Variants in C19orf47 observed in about 807,000 individuals in gnomAD.
C19orf47 encodes the protein chromosome 19 open reading frame 47.
C19orf47 carries 18 observed loss-of-function variants against 32.3 expected under a neutral mutation model. That is an observed-to-expected ratio of 0.56 (90% CI 0.39 to 0.83). The LOEUF (loss-of-function observed/expected upper bound fraction) is 0.83, where lower values mean the gene tolerates loss of function less well. Among genes scored for constraint, C19orf47 ranks in the 40% least tolerant of loss-of-function variants. The probability of loss-of-function intolerance (pLI) is 0.00; values close to 1 mark genes in which losing one functional copy is unlikely to be tolerated. For synonymous variants in C19orf47, 202 were observed against 211.1 expected (o/e 0.96, Z 0.37); for missense variants, 484 against 531.6 (o/e 0.91, Z 0.88).
chr19:40,318,466 T>C (rs1235564086), downstream of C19orf47, among the ~76,000 whole-genome samples: 1 of 152,172 alleles, frequency 6.6e-6, no homozygotes, highest in Non-Finnish European at 1.5e-5. Context: ...GCAGTTCCTA[T>C]TACACATTGA....
chr19:40,341,062 G>A (rs1002392050), intron 2 of C19orf47, among the ~76,000 whole-genome samples: 3 of 150,862 alleles, frequency 2.0e-5, no homozygotes, highest in East Asian at 3.9e-4. Context: ...GGCCAGGCGC[G>A]GTGGCTCATG....
chr19:40,323,922 T>C (rs1600169096), intron 8 of C19orf47, 84 bp downstream of exon 8: 4 of 1,535,444 alleles, frequency 2.6e-6, no homozygotes, highest in African/African-American at 1.4e-5. Flanking sequence ...CCGAGTGAGG[T>C]TGAGATGTGT....
chr19:40,317,729 T>TTTTTTTTTTG (rs2077672649), downstream of C19orf47, among the ~76,000 whole-genome samples: 2 of 144,450 alleles, frequency 1.4e-5, no homozygotes, highest in Middle Eastern at 3.3e-3. Context: ...TTTTTTTTTG[T>TTTTTTTTTTG]TTTTTTTTTT....
At chr19:40,334,135 G>C (rs1348060641) in intron 4 of C19orf47, among the ~76,000 whole-genome samples, 1 of 152,204 alleles carries the variant, frequency 6.6e-6, no homozygotes, top group African/African-American at 2.4e-5. Context: ...ATATATATCT[G>C]AAGTTCAGCC....
chr19:40,311,728 T>C, the C19orf47 span, among the ~76,000 whole-genome samples: 2 of 151,942 alleles, frequency 1.3e-5, no homozygotes, highest in South Asian at 4.2e-4. Context: ...CAATCTCGGC[T>C]CACTGCAATG....
chr19:40,344,339 C>T (rs1236134788), intron 1 of C19orf47, among the ~76,000 whole-genome samples: 7 of 151,470 alleles, frequency 4.6e-5, no homozygotes, highest in Admixed American at 6.6e-5. Context: ...ATTAGTCGGG[C>T]ATGGTGGTGG....
At chr19:40,319,303 A>G (rs1464796620), downstream of C19orf47, among the ~76,000 whole-genome samples, 1 of 128,412 alleles carries the variant, frequency 7.8e-6, no homozygotes, top group African/African-American at 3.1e-5. Flanking sequence ...ATAAAATAAA[A>G]TGGTTAAAAT....
downstream of C19orf47, among the ~76,000 whole-genome samples, chr19:40,316,413 G>T (rs2077662380): frequency 6.6e-6 from 1 of 152,220 alleles, no homozygotes; most frequent in South Asian, 2.1e-4. Flanking sequence ...ATGAGCCCTG[G>T]GCTCGCTGCA....
At chr19:40,326,275 G>A in intron 7 of C19orf47, 59 bp downstream of exon 7, 1 of 1,601,058 alleles carries the variant, frequency 6.2e-7, no homozygotes, top group Non-Finnish European at 8.5e-7. Context: ...CGGGCCCTGT[G>A]TGATGCAGAG....
rs2077710034 is a variant in C19orf47 at position 40,321,149 on chromosome 19, C to T, written c.*733G>A. 3.6e-6 allele frequency: 3 copies of T among 840,348 alleles called. No individual in the cohort carries two copies. Among genetic ancestry groups the T allele is most frequent in the Middle Eastern group, 6.0e-4 (1 of 1,660 alleles). The allele number at this position is 840,348 out of a possible 1,614,324, so 52.1% of individuals were successfully genotyped here. A position where few individuals can be genotyped will look rare whatever the true frequency, so the allele number is the denominator to read the frequency against. ...TTCCCAGTGCCCCTTGCCCACCACC[C>T]GCCATACACTTTCAGAGACAGATGC... On this transcript the variant is annotated 3_prime_UTR_variant, in exon 9 of 9. Transcript: ENST00000683109.
chr19:40,328,694 T>C, intron 5 of C19orf47, 144 bp from the exon 6 acceptor site: 1 of 1,137,694 alleles, frequency 8.8e-7, no homozygotes, highest in Non-Finnish European at 1.2e-6. Context: ...TGCATGGTAC[T>C]CGTGATGGGG....
At chr19:40,311,464 C>T in the C19orf47 span, among the ~76,000 whole-genome samples, 3 of 151,916 alleles carry the variant, frequency 2.0e-5, no homozygotes, top group Non-Finnish European at 4.4e-5. Context: ...ATCACTTGAC[C>T]CTGAGAGGCG....
At position 40,325,253 on chromosome 19, in the gene C19orf47, G is replaced by A. The variant is rs573895450; in HGVS notation, c.592+1081C>T. ...CCACTGCACTCCAGCCTGCGTAACA[G>A]AGCAAGACTCCGTTTCAAAAAAAAA... On this transcript the variant is annotated intron_variant, in intron 7 of 8. Transcript: ENST00000683109. 2.5e-3 allele frequency among the ~76,000 whole-genome samples: 373 copies of A among 149,954 alleles called. 2 individuals are homozygous for A. The highest frequency in any genetic ancestry group is 4.3e-3 in the Non-Finnish European group (294 of 67,688).
chr19:40,317,650 T>C (rs1227478298), downstream of C19orf47, among the ~76,000 whole-genome samples: 1 of 151,448 alleles, frequency 6.6e-6, no homozygotes, highest in Non-Finnish European at 1.5e-5. Context: ...AAATGCTTCC[T>C]AGGACAAGCC....
At chr19:40,327,304 C>T (rs1169569958) in intron 6 of C19orf47, among the ~76,000 whole-genome samples, 1 of 150,714 alleles carries the variant, frequency 6.6e-6, no homozygotes, top group Non-Finnish European at 1.5e-5. Context: ...GTGAGCCACC[C>T]CGCCCAGCCT....
downstream of C19orf47, among the ~76,000 whole-genome samples, chr19:40,315,165 C>CA (rs1462921768): frequency 6.6e-6 from 1 of 152,122 alleles, no homozygotes; most frequent in Non-Finnish European, 1.5e-5. Flanking sequence ...CAGTAAAATA[C>CA]ATTAGGCAAA....
chr19:40,324,198 C>G (rs1039002067), intron 7 of C19orf47, 122 bp from the exon 8 acceptor site: 1 of 937,988 alleles, frequency 1.1e-6, no homozygotes, highest in Admixed American at 1.9e-5. Flanking sequence ...CCAGACTGTG[C>G]TGAGTTGGGT....
At chr19:40,307,641 C>T in the C19orf47 span, among the ~76,000 whole-genome samples, 18 of 152,116 alleles carry the variant, frequency 1.2e-4, no homozygotes, top group African/African-American at 4.3e-4. Flanking sequence ...CTGTCTCCCA[C>T]AGTACTGGGA....
At chr19:40,344,026 C>A (rs1021746702) in intron 1 of C19orf47, among the ~76,000 whole-genome samples, 3 of 151,424 alleles carry the variant, frequency 2.0e-5, no homozygotes, top group Non-Finnish European at 4.4e-5. Context: ...GAACTCCTGA[C>A]CTCAAGTGAT....
Sources: gnomAD v4.1 joint callset for allele counts (sites outside exome capture counted in the v4.1 genomes callset) on GRCh38, gnomAD v4.1.1 for gene constraint, MANE v1.5 for transcripts, NCBI Gene and HGNC (gene_info 2026-07-23, HGNC 2026-07-21) for gene names.